The following ST18 variants were observed in gnomAD, a reference collection of about 807,000 sequenced individuals.
The protein encoded by ST18 is ST18 C2H2C-type zinc finger transcription factor.
A neutral mutation model predicts 110.0 loss-of-function variants in ST18; 50 were observed. The ratio of observed to expected loss-of-function variants is 0.45; its 90% CI spans 0.36 to 0.58. ST18 has a LOEUF of 0.58. ST18 is among the 20% of genes least tolerant of loss of function. The probability of loss-of-function intolerance (pLI) is 0.00; values close to 1 mark genes in which losing one functional copy is unlikely to be tolerated. For missense variants in ST18, 1,306 were observed against 1,280.1 expected (o/e 1.02, Z -0.31); for synonymous variants, 461 against 452.4 (o/e 1.02, Z -0.24).
rs371166053 is a variant in ST18 at position 52,385,477 on chromosome 8, G to A, written c.-465+23851C>T. Among the ~76,000 whole-genome samples, 7 of 152,066 alleles carry A rather than the reference G, an allele frequency of 4.6e-5. 1 individual carries two copies. Among genetic ancestry groups the A allele is most frequent in the African/African-American group, 1.4e-4 (6 of 41,474 alleles). ...TAGCTGGGCGTGATGGCAGGAGCCT[G>A]TAATCCCAGCTACTCAAGAGGCTGA... is the stretch of plus-strand genomic sequence containing the variant. On this transcript the variant is annotated intron_variant, in intron 2 of 25. Transcript: ENST00000689386.
intron 2 of ST18, among the ~76,000 whole-genome samples, chr8:52,245,231 A>G (rs2093747566): frequency 6.6e-6 from 1 of 152,174 alleles, no homozygotes; most frequent in Non-Finnish European, 1.5e-5. Context: ...ATTCTTTTAC[A>G]AATTAGATTT....
intron 21 of ST18, 78 bp downstream of exon 21, chr8:52,132,979 A>G: frequency 2.7e-6 from 4 of 1,488,274 alleles, no homozygotes. Flanking sequence ...ATCCGTGTTC[A>G]ATTGCATCCC....
At chr8:52,187,695 T>C (rs989210933) in intron 8 of ST18, among the ~76,000 whole-genome samples, 26 of 152,214 alleles carry the variant, frequency 1.7e-4, no homozygotes, top group Non-Finnish European at 3.4e-4. Flanking sequence ...AAATCTAAGA[T>C]GAGCTGTGAT....
chr8:52,278,182 C>T (rs1261324346), intron 2 of ST18, among the ~76,000 whole-genome samples: 1 of 152,154 alleles, frequency 6.6e-6, no homozygotes, highest in African/African-American at 2.4e-5. Flanking sequence ...ATCCTCGTAA[C>T]AGATTTTAGG....
At chr8:52,359,924 C>T (rs1824939670) in intron 2 of ST18, among the ~76,000 whole-genome samples, 1 of 152,158 alleles carries the variant, frequency 6.6e-6, no homozygotes, top group Non-Finnish European at 1.5e-5. Context: ...TGCCATTTGC[C>T]TTGCATCCAT....
At chr8:52,274,198 C>A (rs2095165100) in intron 2 of ST18, among the ~76,000 whole-genome samples, 1 of 152,108 alleles carries the variant, frequency 6.6e-6, no homozygotes, top group Non-Finnish European at 1.5e-5. Flanking sequence ...GCAATCATCA[C>A]TAAACAGTAT....
intron 2 of ST18, among the ~76,000 whole-genome samples, chr8:52,268,362 C>A (rs2094941359): frequency 6.6e-6 from 1 of 152,188 alleles, no homozygotes; most frequent in African/African-American, 2.4e-5. Context: ...GAAGGAAGAG[C>A]TCCTTCCCAA....
rs533115384 is a variant in ST18, at chr8:52,399,810, A to G, written c.-465+9518T>C. 6.6e-5 allele frequency among the ~76,000 whole-genome samples: 10 copies of G among 152,086 alleles called. No individual in the cohort carries two copies. In the East Asian group the frequency reaches 1.2e-3, roughly 18 times the overall value. On this transcript the variant is annotated intron_variant, in intron 2 of 25. Transcript: ENST00000689386. Reference sequence around the variant, plus strand: ...GAAAAAAATGGTACATATAATTTCAATCTTCTATGGGACTGACATAGGGGC... The same window carrying G: ...GAAAAAAATGGTACATATAATTTCAGTCTTCTATGGGACTGACATAGGGGC...
intron 2 of ST18, among the ~76,000 whole-genome samples, chr8:52,292,381 ATGTG>A (rs72283228): frequency 2.7e-5 from 4 of 150,772 alleles, no homozygotes; most frequent in African/African-American, 4.9e-5. Flanking sequence ...GCATGCATGT[ATGTG>A]TGTGTGTGTG....
At chr8:52,349,272 G>A (rs1001805349) in intron 2 of ST18, among the ~76,000 whole-genome samples, 1 of 152,142 alleles carries the variant, frequency 6.6e-6, no homozygotes, top group Admixed American at 6.5e-5. Flanking sequence ...GCTTTGTGGG[G>A]TAAAGCTGCC....
rs563253050 is a variant in ST18 at position 52,198,037 on chromosome 8, C to T, written c.86+14042G>A. 1.5e-3 allele frequency among the ~76,000 whole-genome samples: 228 copies of T among 152,260 alleles called. 1 individual carries two copies. Among genetic ancestry groups the T allele is most frequent in the Admixed American group, 2.7e-3 (41 of 15,298 alleles). ...TTTGTTTGTTTGTTTGTTTTTGAGA[C>T]GGAGTCTTGCTCTGTCACCCAGGCT... On this transcript the variant is annotated intron_variant, in intron 8 of 25. Coordinates refer to ENST00000689386, the MANE Select transcript of ST18 (RefSeq NM_001352837.2).
At chr8:52,326,588 G>A (rs1450184795) in intron 2 of ST18, among the ~76,000 whole-genome samples, 1 of 152,130 alleles carries the variant, frequency 6.6e-6, no homozygotes, top group African/African-American at 2.4e-5. Flanking sequence ...AAAGTCAATG[G>A]TGCCTCCTGT....
chr8:52,235,668 T>A (rs1375127312), intron 2 of ST18, among the ~76,000 whole-genome samples: 1 of 152,184 alleles, frequency 6.6e-6, no homozygotes, highest in Non-Finnish European at 1.5e-5. Context: ...CATGTGAAGC[T>A]TAAAACAGGT....
intron 8 of ST18, among the ~76,000 whole-genome samples, chr8:52,205,386 G>A (rs1265846183): frequency 6.6e-6 from 1 of 151,870 alleles, no homozygotes; most frequent in East Asian, 1.9e-4. Context: ...CAAGGCCCTT[G>A]ATAGGTCATC....
At chr8:52,235,369 T>A (rs2092464326) in intron 2 of ST18, among the ~76,000 whole-genome samples, 1 of 152,020 alleles carries the variant, frequency 6.6e-6, no homozygotes, top group African/African-American at 2.4e-5. Context: ...GAGCTCACGG[T>A]CAGCTCCAGA....
At chr8:52,204,974 A>G (rs936996022) in intron 8 of ST18, among the ~76,000 whole-genome samples, 1 of 152,110 alleles carries the variant, frequency 6.6e-6, no homozygotes, top group Non-Finnish European at 1.5e-5. Context: ...AACTCTACGG[A>G]CATTTATTCA....
intron 2 of ST18, among the ~76,000 whole-genome samples, chr8:52,356,240 T>A (rs1437414104): frequency 6.6e-6 from 1 of 151,928 alleles, no homozygotes; most frequent in Non-Finnish European, 1.5e-5. Context: ...ATTAAAGGAG[T>A]GTCCCAATAC....
chr8:52,227,233 G>A (rs1355348030), intron 3 of ST18, among the ~76,000 whole-genome samples: 8 of 152,126 alleles, frequency 5.3e-5, no homozygotes, highest in East Asian at 1.9e-4. Context: ...CCCATTATTC[G>A]TTCAGTACAC....
At chr8:52,238,005 A>G (rs1346171066) in intron 2 of ST18, among the ~76,000 whole-genome samples, 1 of 152,236 alleles carries the variant, frequency 6.6e-6, no homozygotes, top group East Asian at 1.9e-4. Flanking sequence ...AGTTAAAATC[A>G]CAATGAGATG....
Sources: allele counts gnomAD v4.1 joint callset (sites outside exome capture counted in the v4.1 genomes callset), GRCh38; gene constraint gnomAD v4.1.1; transcripts MANE v1.5; gene names NCBI Gene and HGNC (gene_info 2026-07-23, HGNC 2026-07-21).